GTF2I: variants seen among roughly 807,000 people sequenced by gnomAD.
GTF2I encodes general transcription factor II-I.
Under a neutral mutation model 67.6 loss-of-function variants are expected in GTF2I, and 12 were observed. That is an observed-to-expected ratio of 0.18 (90% CI 0.11 to 0.29). The LOEUF is 0.29. GTF2I is among the 10% of genes least tolerant of loss of function. GTF2I has a pLI of 1.00. For synonymous variants in GTF2I, 149 were observed against 197.0 expected, an observed-to-expected ratio of 0.76 and a Z score of 2.04; for missense variants, 271 against 580.1, an observed-to-expected ratio of 0.47 and a Z score of 5.47.
At chr7:74,708,397 A>G (rs918889883) in intron 8 of GTF2I, among the ~76,000 whole-genome samples, 3 of 152,092 alleles carry the variant, frequency 2.0e-5, no homozygotes, top group East Asian at 1.9e-4. Context: ...TTAAGGAACA[A>G]TTCTAGGCAG....
chr7:74,687,694 G>A (rs1364433625), intron 1 of GTF2I: 2 of 337,330 alleles, frequency 5.9e-6, no homozygotes, highest in Non-Finnish European at 8.4e-6. Context: ...AAGATTTACT[G>A]ACATTTTTAG....
intron 3 of GTF2I, among the ~76,000 whole-genome samples, chr7:74,693,732 G>A (rs1410442217): frequency 6.6e-6 from 1 of 152,162 alleles, no homozygotes; most frequent in Non-Finnish European, 1.5e-5. Context: ...TGTAGTCCCA[G>A]CTATTTGGGA....
intron 14 of GTF2I, among the ~76,000 whole-genome samples, 184 bp from the exon 15 acceptor site, chr7:74,732,295 G>A (rs1794573483): frequency 6.6e-6 from 1 of 151,686 alleles, no homozygotes; most frequent in Non-Finnish European, 1.5e-5. Flanking sequence ...AATGGCGTGA[G>A]CCCGGGAGGC....
intron 29 of GTF2I, 87 bp downstream of exon 29, chr7:74,753,264 T>G: frequency 6.3e-7 from 1 of 1,590,256 alleles, no homozygotes. Context: ...GGTTGGATGG[T>G]TGTAATCCTA....
At chr7:74,697,535 C>T (rs113955826) in intron 3 of GTF2I, among the ~76,000 whole-genome samples, 109 of 152,250 alleles carry the variant, frequency 7.2e-4, no homozygotes, top group Non-Finnish European at 1.3e-3. Context: ...TATTTGTTAT[C>T]GTGCTAGACT....
In GTF2I at chr7:74,699,030, G is replaced by A. The variant is rs1445142239; in HGVS notation, c.308G>A (p.Ser103Asn). ...MKSTTQANRMSVDAVEIETLR... is the reference protein window; with the variant it reads ...MKSTTQANRMNVDAVEIETLR... ...TCTACAACCCAGGCAAATCGGATGA[G>A]TGTAGATGCTGTAGAAATTGAAACA... The change falls in exon 4 of 35, where the codon AGT (serine) becomes AAT (asparagine). Residue 103 changes from serine (S) to asparagine (N), a missense_variant. By Grantham distance (46) the Ser-to-Asn change is conservative. This residue lies in a region of GTF2I where 72 missense variants were observed against 87.4 expected (regional missense o/e 0.82). Transcript: ENST00000573035. 6.4e-7 allele frequency: 1 copy of A among 1,556,768 alleles called. No homozygotes were observed. The highest frequency in any genetic ancestry group is 8.7e-7 in the Non-Finnish European group (1 of 1,146,660).
chr7:74,689,071 G>A, intron 1 of GTF2I, 53 bp from the exon 2 acceptor site: 1 of 1,073,496 alleles, frequency 9.3e-7, no homozygotes, highest in South Asian at 1.3e-5. Flanking sequence ...TTGGCTGTGG[G>A]TTCAGGACAC....
chr7:74,720,805 C>T (rs1333870277), intron 12 of GTF2I, among the ~76,000 whole-genome samples: 2 of 140,996 alleles, frequency 1.4e-5, no homozygotes, highest in Admixed American at 7.4e-5. Flanking sequence ...TGCAGTGGTG[C>T]GATCTCGGCT....
At chr7:74,704,436 G>A (rs1290999805) in intron 6 of GTF2I, among the ~76,000 whole-genome samples, 2 of 151,720 alleles carry the variant, frequency 1.3e-5, no homozygotes, top group South Asian at 4.2e-4. Flanking sequence ...GATTACAGGC[G>A]CCCGCCACCA....
intron 26 of GTF2I, among the ~76,000 whole-genome samples, chr7:74,749,986 T>C (rs1461700101): frequency 1.4e-5 from 2 of 139,150 alleles, no homozygotes; most frequent in Non-Finnish European, 3.1e-5. Flanking sequence ...TAACGACTTT[T>C]GGTTGCTAAA....
At chr7:74,718,468 G>A (rs587621343) in intron 11 of GTF2I, among the ~76,000 whole-genome samples, 1 of 152,310 alleles carries the variant, frequency 6.6e-6, no homozygotes, top group Non-Finnish European at 1.5e-5. Context: ...CCTGGGTTGT[G>A]GTTTTATTGA....
At position 74,688,827 on chromosome 7, in the gene GTF2I, G is replaced by A. The variant is rs1290467982; in HGVS notation, c.-5-297G>A. On this transcript the variant is annotated intron_variant, in intron 1 of 34. Transcript: ENST00000573035. Reference sequence around the variant, plus strand: ...CCGTCACTGGGCTGTAAAGTGCCTTGCCTCGTCTTGTTCTTACTTGGGAGA... The same window carrying A: ...CCGTCACTGGGCTGTAAAGTGCCTTACCTCGTCTTGTTCTTACTTGGGAGA... 1.6e-5 allele frequency: 5 copies of A among 320,608 alleles called. No homozygotes were observed. In the Admixed American group the frequency reaches 1.8e-4, roughly 12 times the overall value. 19.9% of individuals were successfully genotyped at this position (320,608 alleles called of 1,614,324 possible).
At chr7:74,720,405 T>A (rs1286909191) in intron 12 of GTF2I, among the ~76,000 whole-genome samples, 1 of 152,218 alleles carries the variant, frequency 6.6e-6, no homozygotes, top group Non-Finnish European at 1.5e-5. Context: ...AAAATATAAG[T>A]CAATTAGTAG....
intron 1 of GTF2I, among the ~76,000 whole-genome samples, chr7:74,684,122 C>T (rs1229599003): frequency 6.6e-6 from 1 of 152,232 alleles, no homozygotes; most frequent in African/African-American, 2.4e-5. Context: ...GCACCACCTC[C>T]ATCAAGGAGC....
chr7:74,694,851 C>T (rs893051786), intron 3 of GTF2I, among the ~76,000 whole-genome samples: 6 of 152,206 alleles, frequency 3.9e-5, no homozygotes, highest in Admixed American at 1.3e-4. Context: ...GAGGGGTTAA[C>T]GCCGCTGGTT....
intron 1 of GTF2I, 43 bp from the exon 2 acceptor site, chr7:74,689,081 C>A: frequency 8.4e-7 from 1 of 1,185,930 alleles, no homozygotes; most frequent in Non-Finnish European, 1.3e-6. Context: ...GTTCAGGACA[C>A]CAGATTTCTA....
In GTF2I at chr7:74,686,773, C is replaced by T. The variant is rs1166340784; in HGVS notation, c.-5-2351C>T. Among the ~76,000 whole-genome samples the T allele has an allele frequency of 2.6e-5, 4 of 152,278 alleles. No homozygotes were observed. The East Asian group carries it at 7.7e-4, about 29-fold the overall frequency. Reference sequence around the variant, plus strand: ...AGGCCAAATAATTTCTATAATTTACCTATTCACTTGCTTGATACGGCCTTT... The same window carrying T: ...AGGCCAAATAATTTCTATAATTTACTTATTCACTTGCTTGATACGGCCTTT... On this transcript the variant is annotated intron_variant, in intron 1 of 34. Transcript: ENST00000573035.
intron 1 of GTF2I, among the ~76,000 whole-genome samples, chr7:74,664,762 A>T (rs1804822304): frequency 6.6e-6 from 1 of 151,640 alleles, no homozygotes; most frequent in Admixed American, 6.6e-5. Flanking sequence ...TTAAAGAACT[A>T]GTTACTTAAA....
intron 14 of GTF2I, among the ~76,000 whole-genome samples, chr7:74,730,647 GT>G (rs1318041703): frequency 7.5e-6 from 1 of 133,186 alleles, no homozygotes; most frequent in African/African-American, 2.7e-5. Context: ...TTAACTGACA[GT>G]TTCTGTTAAT....
Sources: allele counts gnomAD v4.1 joint callset (sites outside exome capture counted in the v4.1 genomes callset), GRCh38; gene constraint gnomAD v4.1.1; regional missense constraint gnomAD v4.1.1; transcripts MANE v1.5; gene names NCBI Gene and HGNC (gene_info 2026-07-23, HGNC 2026-07-21).